The following ALG6 variants were observed in gnomAD, a reference collection of about 807,000 sequenced individuals.
ALG6 encodes the protein dolichyl pyrophosphate Man9GlcNAc2 alpha-1,3-glucosyltransferase.
In ALG6, 46 loss-of-function variants were observed where a neutral mutation model predicts 66.6. The observed-to-expected ratio is 0.69, with a 90% CI of 0.55 to 0.88. ALG6 has a LOEUF of 0.88. ALG6 is among the 40% of genes least tolerant of loss of function. The pLI is 0.00. For missense variants in ALG6, 505 were observed against 586.8 expected, an observed-to-expected ratio of 0.86 and a Z score of 1.44; for synonymous variants, 185 against 203.7, an observed-to-expected ratio of 0.91 and a Z score of 0.78.
intron 10 of ALG6, among the ~76,000 whole-genome samples, chr1:63,415,220 G>A (rs192749921): frequency 5.3e-4 from 81 of 152,330 alleles, no homozygotes; most frequent in Non-Finnish European, 5.7e-4. Context: ...GGAAAAATCA[G>A]TTATTGTATT....
chr1:63,391,974 C>A (rs955515043), intron 2 of ALG6, among the ~76,000 whole-genome samples: 12 of 152,218 alleles, frequency 7.9e-5, no homozygotes, highest in Admixed American at 7.9e-4. Context: ...GTCTTTAAGG[C>A]AAATGGCAAC....
Position 63,371,416 on chromosome 1 carries a change from G to A in ALG6, c.82+357G>A, listed in dbSNP as rs181944140. The A allele has an allele frequency of 1.6e-3, 432 of 267,126 alleles. 3 individuals carry two copies. Among genetic ancestry groups the A allele is most frequent in the Admixed American group, 3.4e-3 (67 of 19,666 alleles). The allele number at this position is 267,126 out of a possible 1,614,324, so 16.5% of individuals were successfully genotyped here. Reference sequence around the variant, plus strand: ...TTACTGGATTAAAGGGAAGCGATCAGTGAACAAGAATAAAATTGGGAATGA... The same window carrying A: ...TTACTGGATTAAAGGGAAGCGATCAATGAACAAGAATAAAATTGGGAATGA... On this transcript the variant is annotated intron_variant, in intron 2 of 14. Coordinates refer to ENST00000263440, the MANE Select transcript of ALG6 (RefSeq NM_013339.4).
At chr1:63,428,256 T>C (rs953116378) in intron 12 of ALG6, 5 of 152,898 alleles carry the variant, frequency 3.3e-5, no homozygotes, top group African/African-American at 1.2e-4. Flanking sequence ...TCCTTTATCC[T>C]CTTGTCTCTC....
intron 11 of ALG6, among the ~76,000 whole-genome samples, chr1:63,416,210 G>A (rs1284815460): frequency 6.6e-6 from 1 of 152,060 alleles, no homozygotes; most frequent in East Asian, 1.9e-4. Context: ...AGAAAACAGT[G>A]GCAATGAACT....
rs1217081004 is a variant in ALG6, at chr1:63,436,832, T to G, written c.1336T>G (p.Ser446Ala). 1.2e-6 allele frequency: 2 copies of G among 1,613,694 alleles called. No individual in the cohort carries two copies. Among genetic ancestry groups the G allele is most frequent in the African/African-American group, 2.7e-5 (2 of 74,928 alleles). Reference sequence around the variant, plus strand: ...CTTTTTTTCCTTGCAGTTTCTTATCTCAGTCATCACTATGGTGCTTCTGAC... The same window carrying G: ...CTTTTTTTCCTTGCAGTTTCTTATCGCAGTCATCACTATGGTGCTTCTGAC... ...SRIIQYLFLI[S>A]VITMVLLTLM... The change falls in exon 15 of 15, where the codon TCA becomes GCA. Residue 446 changes from serine (S) to alanine (A), a missense_variant. Physicochemically the swap from Ser to Ala is moderately conservative, Grantham distance 99 (BLOSUM62 1). Coordinates refer to ENST00000263440, the MANE Select transcript of ALG6 (RefSeq NM_013339.4).
intron 1 of ALG6, among the ~76,000 whole-genome samples, chr1:63,368,560 G>T (rs1436458043): frequency 6.6e-6 from 1 of 151,892 alleles, no homozygotes; most frequent in Non-Finnish European, 1.5e-5. Context: ...GAGTGCAGTG[G>T]CACGATCTTG....
chr1:63,405,863 C>A (rs1165770178), intron 5 of ALG6, among the ~76,000 whole-genome samples: 1 of 151,494 alleles, frequency 6.6e-6, no homozygotes, highest in East Asian at 1.9e-4. Context: ...TTTCTCCTCA[C>A]CTGGGTTTCT....
In ALG6 at chr1:63,436,925, G is replaced by C. The variant is rs747356051; in HGVS notation, c.1429G>C (p.Val477Leu). The part of the protein sequence containing the change: ...PDLFSVLVCF[V>L]SCLNFLFFLV... ...CTTGTTTTCTGTATTGGTGTGTTTTGTATCTTGCTTGAACTTCCTGTTCTT... is the reference window on the plus strand; with the variant it reads ...CTTGTTTTCTGTATTGGTGTGTTTTCTATCTTGCTTGAACTTCCTGTTCTT... The change falls in exon 15 of 15, where the codon GTA (valine) becomes CTA (leucine). Residue 477 changes from valine (V) to leucine (L), a missense_variant. Val to Leu is a conservative substitution (Grantham distance 32). Coordinates refer to ENST00000263440, the MANE Select transcript of ALG6 (RefSeq NM_013339.4). The C allele has an allele frequency of 3.1e-6, 5 of 1,613,768 alleles. No individual in the cohort carries two copies. The Admixed American group carries it at 5.0e-5, about 16-fold the overall frequency.
At chr1:63,390,268 G>A (rs977751776) in intron 2 of ALG6, among the ~76,000 whole-genome samples, 1 of 152,166 alleles carries the variant, frequency 6.6e-6, no homozygotes, top group Non-Finnish European at 1.5e-5. Context: ...CCTGGAATCC[G>A]GGACTCCAGG....
chr1:63,376,016 TATTA>T (rs1343940428), intron 2 of ALG6, among the ~76,000 whole-genome samples: 1 of 151,122 alleles, frequency 6.6e-6, no homozygotes, highest in Non-Finnish European at 1.5e-5. Flanking sequence ...ATTAGGGGTT[TATTA>T]ATTTTATTAG....
Position 63,401,494 on chromosome 1 carries a change from C to T in ALG6, c.168-760C>T, listed in dbSNP as rs554407073. Among the ~76,000 whole-genome samples, 16 of 151,646 alleles carry T rather than the reference C, an allele frequency of 1.1e-4. 1 individual carries two copies. The highest frequency in any genetic ancestry group is 2.9e-4 in the African/African-American group (12 of 41,346). On this transcript the variant is annotated intron_variant, in intron 3 of 14. Transcript: ENST00000263440. Reference sequence around the variant, plus strand: ...CAGCCTGGCCAACATGGTGAAACCCCGTCTCTACTAAAAATACAAAAATTA... The same window carrying T: ...CAGCCTGGCCAACATGGTGAAACCCTGTCTCTACTAAAAATACAAAAATTA...
intron 3 of ALG6, among the ~76,000 whole-genome samples, chr1:63,398,124 CTTTGGCTACTGCTTT>C (rs1644418917): frequency 6.6e-6 from 1 of 152,042 alleles, no homozygotes; most frequent in African/African-American, 2.4e-5. Flanking sequence ...TTGTTGACTG[CTTTGGCTACTGCTTT>C]TATATAGCTC....
At chr1:63,416,574 A>G (rs1644546799) in intron 11 of ALG6, among the ~76,000 whole-genome samples, 1 of 152,198 alleles carries the variant, frequency 6.6e-6, no homozygotes, top group South Asian at 2.1e-4. Context: ...AAAATTGACC[A>G]AATTATTGAA....
intron 2 of ALG6, among the ~76,000 whole-genome samples, chr1:63,388,858 C>CT (rs1011110291): frequency 4.0e-5 from 6 of 151,294 alleles, no homozygotes; most frequent in East Asian, 1.9e-4. Flanking sequence ...AGGATAAAAG[C>CT]TTTTTTTTTC....
intron 12 of ALG6, among the ~76,000 whole-genome samples, chr1:63,419,796 T>G (rs755857297): frequency 1.3e-5 from 2 of 152,182 alleles, no homozygotes; most frequent in Non-Finnish European, 2.9e-5. Context: ...TTCGGTAGCC[T>G]TCTTCTTTCC....
intron 8 of ALG6, 57 bp downstream of exon 8, chr1:63,411,388 A>G (rs1644515365): frequency 2.6e-6 from 4 of 1,509,508 alleles, no homozygotes; most frequent in Non-Finnish European, 3.6e-6. Context: ...TTTTTTTGGC[A>G]TACTTACTTG....
chr1:63,409,274 G>A (rs1474483173), intron 7 of ALG6, among the ~76,000 whole-genome samples: 2 of 152,086 alleles, frequency 1.3e-5, no homozygotes, highest in African/African-American at 2.4e-5. Context: ...ATTTATTTTT[G>A]TGGTTCTGAA....
chr1:63,369,629 CAAAAAAAAA>C (rs939502185), intron 1 of ALG6, among the ~76,000 whole-genome samples: 2 of 139,714 alleles, frequency 1.4e-5, no homozygotes, highest in Admixed American at 1.4e-4. Context: ...AGCTCCATCT[CAAAAAAAAA>C]GAAAAAAAAA....
At chr1:63,370,190 TG>T (rs1424357395) in intron 1 of ALG6, among the ~76,000 whole-genome samples, 6 of 152,308 alleles carry the variant, frequency 3.9e-5, no homozygotes, top group Non-Finnish European at 8.8e-5. Context: ...AGTGGTTAAT[TG>T]AGTTTTACTG....
Sources: gnomAD v4.1 joint callset for allele counts (sites outside exome capture counted in the v4.1 genomes callset) on GRCh38, gnomAD v4.1.1 for gene constraint, MANE v1.5 for transcripts, NCBI Gene and HGNC (gene_info 2026-07-23, HGNC 2026-07-21) for gene names.